The following PICALM variants were observed in gnomAD, a reference collection of about 807,000 sequenced individuals.
PICALM encodes the protein phosphatidylinositol-binding clathrin assembly protein.
Under a neutral mutation model 80.5 loss-of-function variants are expected in PICALM, and 40 were observed. The ratio of observed to expected loss-of-function variants is 0.50; its 90% CI spans 0.39 to 0.65. The LOEUF (loss-of-function observed/expected upper bound fraction) is 0.65, where lower values mean the gene tolerates loss of function less well. PICALM is among the 30% of genes least tolerant of loss of function. The pLI is 0.00. For missense variants in PICALM, 676 were observed against 778.9 expected, an observed-to-expected ratio of 0.87 and a Z score of 1.57; for synonymous variants, 288 against 260.3, an observed-to-expected ratio of 1.11 and a Z score of -1.02.
chr11:85,988,577 G>C (rs1250526428), intron 13 of PICALM, among the ~76,000 whole-genome samples: 1 of 152,072 alleles, frequency 6.6e-6, no homozygotes, highest in Non-Finnish European at 1.5e-5. Context: ...TACAAGGCAG[G>C]AAGGCAGGAA....
intron 19 of PICALM, among the ~76,000 whole-genome samples, chr11:85,970,209 C>T (rs190497835): frequency 1.3e-5 from 2 of 152,044 alleles, no homozygotes; most frequent in South Asian, 2.1e-4. Flanking sequence ...GCCAGGTAGT[C>T]ACAAGGTCTG....
At chr11:86,069,239 G>T (rs1308193662), upstream of PICALM, 1 of 180,578 alleles carries the variant, frequency 5.5e-6, no homozygotes, top group East Asian at 9.3e-5. Context: ...CGGCGCCCGC[G>T]CGTTACGTGA....
chr11:86,011,640 TA>T (rs1218547867), intron 6 of PICALM, among the ~76,000 whole-genome samples: 1 of 152,094 alleles, frequency 6.6e-6, no homozygotes, highest in African/African-American at 2.4e-5. Flanking sequence ...TGTGAAAAAA[TA>T]AGCCAAATTT....
In PICALM at chr11:86,014,226, G is replaced by A. The variant is rs142259132; in HGVS notation, c.546+644C>T. On this transcript the variant is annotated intron_variant, in intron 5 of 19. Transcript: ENST00000393346. ...GAAAAATCTATTTCAGCATGAAACT[G>A]TCACAGTTCCATTCACTAACTTGCA... is the stretch of plus-strand genomic sequence containing the variant. Among the ~76,000 whole-genome samples, 175 of 152,320 alleles carry A rather than the reference G, an allele frequency of 1.1e-3. 2 individuals carry two copies. Among genetic ancestry groups the A allele is most frequent in the African/African-American group, 4.0e-3 (167 of 41,584 alleles).
At chr11:86,033,112 A>G (rs1281432848) in intron 1 of PICALM, among the ~76,000 whole-genome samples, 3 of 152,186 alleles carry the variant, frequency 2.0e-5, no homozygotes, top group Non-Finnish European at 4.4e-5. Flanking sequence ...TTCTGAGAGT[A>G]AAAAATGGAA....
At chr11:86,050,675 T>G (rs2096170812) in intron 1 of PICALM, among the ~76,000 whole-genome samples, 1 of 152,164 alleles carries the variant, frequency 6.6e-6, no homozygotes, top group African/African-American at 2.4e-5. Flanking sequence ...CTTAATAATT[T>G]TAAGATTATG....
chr11:85,982,444 G>A (rs1328622984), intron 14 of PICALM, among the ~76,000 whole-genome samples: 8 of 7,582 alleles, frequency 1.1e-3, no homozygotes, highest in African/African-American at 6.5e-3. Context: ...TTTTTGAGAC[G>A]GAGTCTTGCT....
At chr11:85,972,780 G>A (rs1422969505) in intron 19 of PICALM, among the ~76,000 whole-genome samples, 3 of 152,006 alleles carry the variant, frequency 2.0e-5, no homozygotes, top group Non-Finnish European at 4.4e-5. Context: ...TAAAGTAAAT[G>A]ATACATATCT....
intron 1 of PICALM, among the ~76,000 whole-genome samples, chr11:86,041,014 G>C (rs917298810): frequency 2.6e-5 from 4 of 152,084 alleles, no homozygotes; most frequent in Admixed American, 2.6e-4. Flanking sequence ...TTGTTTTGGA[G>C]GGGAAAGCAA....
intron 11 of PICALM, among the ~76,000 whole-genome samples, chr11:85,999,902 G>A (rs112832149): frequency 6.6e-6 from 1 of 152,212 alleles, no homozygotes; most frequent in African/African-American, 2.4e-5. Flanking sequence ...CAAAACTCTA[G>A]GATTGGGACT....
chr11:86,068,817 C>G lies in PICALM; in HGVS notation c.-37G>C. ...CTCCACCACCCCACCCGCTCAGCAG[C>G]CGGCGGGGACTGGGACCCCCAAGAG... On this transcript the variant is annotated 5_prime_UTR_variant, in exon 1 of 20. Coordinates refer to ENST00000393346, the MANE Select transcript of PICALM (RefSeq NM_007166.4). 1 of 1,567,800 alleles carries G rather than the reference C, an allele frequency of 6.4e-7. No homozygotes were observed. Among genetic ancestry groups the G allele is most frequent in the Non-Finnish European group, 8.6e-7 (1 of 1,161,046 alleles).
chr11:86,042,152 T>C (rs1450500868), intron 1 of PICALM, among the ~76,000 whole-genome samples: 1 of 152,122 alleles, frequency 6.6e-6, no homozygotes, highest in African/African-American at 2.4e-5. Flanking sequence ...GTAAACCACA[T>C]TCTTAAATCT....
intron 2 of PICALM, among the ~76,000 whole-genome samples, chr11:86,028,599 C>T (rs896143789): frequency 2.0e-5 from 3 of 152,058 alleles, no homozygotes; most frequent in Admixed American, 2.0e-4. Flanking sequence ...CATGAAGGTA[C>T]TATCATATTA....
intron 1 of PICALM, among the ~76,000 whole-genome samples, chr11:86,048,761 G>A (rs1593337621): frequency 6.6e-6 from 1 of 150,726 alleles, no homozygotes; most frequent in East Asian, 1.9e-4. Flanking sequence ...GAACCTGGGA[G>A]GCAGAGGTTG....
In PICALM at chr11:86,000,748, G is replaced by T; in HGVS notation, c.1049C>A (p.Pro350His). 6.2e-7 allele frequency: 1 copy of T among 1,613,032 alleles called. No homozygotes were observed. The highest frequency in any genetic ancestry group is 1.1e-5 in the South Asian group (1 of 91,020). The part of the protein sequence containing the change: ...EQRLKELAKK[P>H]HTSLTTAASP... ...GGCTGCAGTTGTTAAAGAGGTATGA[G>T]GTTTCTTTGCAAGTTCTTTTAGGCG... Residue 350 changes from proline to histidine, a missense_variant, in exon 11 of 20, where the codon CCT becomes CAT. Coordinates refer to ENST00000393346, the MANE Select transcript of PICALM (RefSeq NM_007166.4).
At chr11:86,023,524 C>A (rs565712808) in intron 3 of PICALM, 9 of 984,922 alleles carry the variant, frequency 9.1e-6, no homozygotes, top group East Asian at 2.3e-4. Flanking sequence ...TCTCATCCTT[C>A]AAGGCTCAAC....
chr11:85,988,499 G>T (rs1467623574), intron 13 of PICALM, among the ~76,000 whole-genome samples: 3 of 151,952 alleles, frequency 2.0e-5, no homozygotes, highest in African/African-American at 7.3e-5. Context: ...GGCTACAGTA[G>T]AAGAAACAAG....
chr11:86,034,679 C>T (rs1593166007), intron 1 of PICALM, among the ~76,000 whole-genome samples: 1 of 151,802 alleles, frequency 6.6e-6, no homozygotes, highest in South Asian at 2.1e-4. Context: ...ACAAGTACCA[C>T]ATGGCACGTA....
chr11:86,068,853 C>T lies in PICALM; in HGVS notation c.-73G>A, dbSNP rs952553449. 114 of 1,484,778 alleles carry T rather than the reference C, an allele frequency of 7.7e-5. No homozygotes were observed. Among genetic ancestry groups the T allele is most frequent in the Non-Finnish European group, 9.7e-5 (109 of 1,119,914 alleles). 92.0% of individuals were successfully genotyped at this position (1,484,778 alleles called of 1,614,324 possible). ...TGGGACCCCCAAGAGCCGGAGGGTC[C>T]CCACCCCCCACCGCACCCCCTACCC... On this transcript the variant is annotated 5_prime_UTR_variant, in exon 1 of 20. Coordinates refer to ENST00000393346, the MANE Select transcript of PICALM (RefSeq NM_007166.4).
Sources: allele counts gnomAD v4.1 joint callset (sites outside exome capture counted in the v4.1 genomes callset), GRCh38; gene constraint gnomAD v4.1.1; transcripts MANE v1.5; gene names NCBI Gene and HGNC (gene_info 2026-07-23, HGNC 2026-07-21).